WWP2: variants seen among roughly 807,000 people sequenced by gnomAD.
WWP2 encodes NEDD4-like E3 ubiquitin-protein ligase WWP2.
Under a neutral mutation model 121.0 loss-of-function variants are expected in WWP2, and 57 were observed. That is an observed-to-expected ratio of 0.47 (90% CI 0.38 to 0.59). The LOEUF (loss-of-function observed/expected upper bound fraction) is 0.59, where lower values mean the gene tolerates loss of function less well. Among genes scored for constraint, WWP2 ranks in the 20% least tolerant of loss-of-function variants. WWP2 has a pLI of 0.00. For missense variants in WWP2, 962 were observed against 1,158.9 expected (o/e 0.83, Z 2.47); for synonymous variants, 449 against 441.3 (o/e 1.02, Z -0.22).
chr16:69,793,911 C>CTTTTTTTTTTT, intron 2 of WWP2, among the ~76,000 whole-genome samples: 2 of 62,312 alleles, frequency 3.2e-5, no homozygotes, highest in Non-Finnish European at 5.7e-5. Flanking sequence ...ATTATCCTTG[C>CTTTTTTTTTTT]TTTTTTTTTT....
chr16:69,837,580 G>T (rs1428495150), intron 4 of WWP2, among the ~76,000 whole-genome samples: 1 of 152,122 alleles, frequency 6.6e-6, no homozygotes, highest in Non-Finnish European at 1.5e-5. Context: ...CACGGGGGTA[G>T]AAATTAGCAA....
At chr16:69,792,337 G>T (rs1347629644) in intron 2 of WWP2, among the ~76,000 whole-genome samples, 1 of 152,180 alleles carries the variant, frequency 6.6e-6, no homozygotes, top group Non-Finnish European at 1.5e-5. Context: ...GCAGATGCCA[G>T]ACTCTATTGT....
At chr16:69,782,550 G>T (rs892176063) in intron 1 of WWP2, among the ~76,000 whole-genome samples, 1 of 152,196 alleles carries the variant, frequency 6.6e-6, no homozygotes, top group Non-Finnish European at 1.5e-5. Flanking sequence ...ATTGCTATGG[G>T]ATTTGGTAAC....
intron 8 of WWP2, among the ~76,000 whole-genome samples, chr16:69,906,635 A>G (rs1360593488): frequency 6.6e-6 from 1 of 152,228 alleles, no homozygotes; most frequent in Non-Finnish European, 1.5e-5. Context: ...TTGTGATACC[A>G]GCACTTTGAG....
chr16:69,885,413 G>C (rs1419146415), intron 7 of WWP2, among the ~76,000 whole-genome samples: 1 of 152,152 alleles, frequency 6.6e-6, no homozygotes, highest in Admixed American at 6.5e-5. Flanking sequence ...AATTTAGCCT[G>C]TGTACCAGGC....
chr16:69,796,528 G>T (rs76982134), intron 2 of WWP2, among the ~76,000 whole-genome samples: 5 of 152,212 alleles, frequency 3.3e-5, no homozygotes, highest in Non-Finnish European at 1.5e-5. Context: ...CAGTAGTACC[G>T]CATATGACTA....
rs556594384 is a variant in WWP2 at position 69,849,263 on chromosome 16, C to T, written c.575+7143C>T. On this transcript the variant is annotated intron_variant, in intron 6 of 23. Coordinates refer to ENST00000359154, the MANE Select transcript of WWP2 (RefSeq NM_001270454.2). The stretch of plus-strand genomic sequence containing the variant: ...GGGTGGATAGGAGCTGAGCCTTGGG[C>T]ACTAGGCCATTCTCACAGTCATTGT... Among the ~76,000 whole-genome samples the T allele has an allele frequency of 9.2e-5, 14 of 152,320 alleles. No homozygotes were observed. The East Asian group carries it at 2.3e-3, about 25-fold the overall frequency.
chr16:69,833,821 C>T (rs2056831153), intron 4 of WWP2, among the ~76,000 whole-genome samples: 1 of 152,136 alleles, frequency 6.6e-6, no homozygotes, highest in Non-Finnish European at 1.5e-5. Context: ...GTTTGCAGCC[C>T]CTGCCTGTGA....
chr16:69,914,688 C>T (rs904936219), intron 9 of WWP2, among the ~76,000 whole-genome samples: 6 of 151,422 alleles, frequency 4.0e-5, no homozygotes, highest in East Asian at 1.9e-4. Context: ...GCTGGGAGGT[C>T]GAGGCTGCAG....
intron 4 of WWP2, among the ~76,000 whole-genome samples, chr16:69,800,113 C>G (rs572463991): frequency 9.9e-5 from 15 of 152,282 alleles, no homozygotes; most frequent in Non-Finnish European, 1.5e-4. Context: ...TCTTTCTTTT[C>G]TCTCCAAGCC....
intron 4 of WWP2, among the ~76,000 whole-genome samples, chr16:69,835,762 C>G (rs756438564): frequency 6.6e-6 from 1 of 151,958 alleles, no homozygotes; most frequent in Non-Finnish European, 1.5e-5. Flanking sequence ...TCTACTCTTG[C>G]GTCTCCCAAG....
intron 6 of WWP2, among the ~76,000 whole-genome samples, chr16:69,849,950 G>T (rs1250381318): frequency 6.6e-6 from 1 of 152,200 alleles, no homozygotes; most frequent in African/African-American, 2.4e-5. Flanking sequence ...TATGAGCCTA[G>T]AGAGATGTTT....
intron 4 of WWP2, among the ~76,000 whole-genome samples, chr16:69,830,721 G>A (rs769151521): frequency 2.0e-5 from 3 of 152,180 alleles, no homozygotes; most frequent in Non-Finnish European, 4.4e-5. Flanking sequence ...CTGGGTAGAA[G>A]AGACTTTCTG....
intron 10 of WWP2, among the ~76,000 whole-genome samples, chr16:69,920,567 G>A (rs906297956): frequency 2.0e-4 from 30 of 152,014 alleles, no homozygotes; most frequent in African/African-American, 5.5e-4. Flanking sequence ...AGACAAGGAC[G>A]TATTTTAGGA....
intron 4 of WWP2, among the ~76,000 whole-genome samples, chr16:69,808,895 T>C (rs1357363201): frequency 6.6e-6 from 1 of 152,248 alleles, no homozygotes; most frequent in Non-Finnish European, 1.5e-5. Flanking sequence ...TGTACAGATC[T>C]AGGAGCTTTG....
At chr16:69,933,287 C>G (rs1461891204) in intron 16 of WWP2, 1 of 368,468 alleles carries the variant, frequency 2.7e-6, no homozygotes, top group African/African-American at 2.1e-5. Flanking sequence ...CCCAAAAGGA[C>G]TCTGAATTCA....
intron 6 of WWP2, among the ~76,000 whole-genome samples, chr16:69,860,084 C>T (rs2057388159): frequency 6.6e-6 from 1 of 151,948 alleles, no homozygotes; most frequent in Non-Finnish European, 1.5e-5. Flanking sequence ...ACCTGTAATC[C>T]CAGCACTTTG....
chr16:69,840,674 A>G (rs2056961495), intron 5 of WWP2, among the ~76,000 whole-genome samples: 1 of 152,200 alleles, frequency 6.6e-6, no homozygotes, highest in African/African-American at 2.4e-5. Context: ...AGAGATACAC[A>G]CTAGCAAAAT....
intron 1 of WWP2, among the ~76,000 whole-genome samples, chr16:69,764,970 A>C (rs940105733): frequency 2.0e-5 from 3 of 152,176 alleles, no homozygotes; most frequent in African/African-American, 7.2e-5. Context: ...TTGGGAGGTC[A>C]AGGTGGATAG....
Sources: gnomAD v4.1 joint callset for allele counts (sites outside exome capture counted in the v4.1 genomes callset) on GRCh38, gnomAD v4.1.1 for gene constraint, MANE v1.5 for transcripts, NCBI Gene and HGNC (gene_info 2026-07-23, HGNC 2026-07-21) for gene names.